CEP164: variants seen among roughly 807,000 people sequenced by gnomAD.
CEP164 encodes the protein centrosomal protein 164.
CEP164 carries 162 observed loss-of-function variants against 182.7 expected under a neutral mutation model. The ratio of observed to expected loss-of-function variants is 0.89; its 90% CI spans 0.78 to 1.01. The LOEUF (loss-of-function observed/expected upper bound fraction) is 1.01, where lower values mean the gene tolerates loss of function less well. Ranked by LOEUF, CEP164 falls within the 50% of genes least tolerant of loss-of-function variation. CEP164 has a pLI of 0.00. For synonymous variants in CEP164, 661 were observed against 690.0 expected (o/e 0.96, Z 0.66); for missense variants, 1,735 against 1,790.4 (o/e 0.97, Z 0.56).
intron 5 of CEP164, among the ~76,000 whole-genome samples, chr11:117,352,553 G>T (rs1374325231): frequency 6.6e-6 from 1 of 152,168 alleles, no homozygotes; most frequent in Non-Finnish European, 1.5e-5. Flanking sequence ...TCAGTGAGTG[G>T]TGGGTAACTG....
At position 117,392,995 on chromosome 11, in the gene CEP164, C is replaced by T. The variant is rs373873905; in HGVS notation, c.2494-9C>T. ...TCTTCATGCCACATCCCTGCCATCT[C>T]CCCTGCAGCTCAGCAGTCTCCTGCG... On this transcript the variant is annotated splice_polypyrimidine_tract_variant and intron_variant, in intron 19 of 32. Coordinates refer to ENST00000278935, the MANE Select transcript of CEP164 (RefSeq NM_014956.5). 55 of 1,612,574 alleles carry T rather than the reference C, an allele frequency of 3.4e-5. No homozygotes were observed. Among genetic ancestry groups the T allele is most frequent in the Admixed American group, 6.7e-5 (4 of 59,960 alleles).
chr11:117,354,616 C>G (rs898474420), intron 5 of CEP164, among the ~76,000 whole-genome samples: 1 of 152,074 alleles, frequency 6.6e-6, no homozygotes, highest in Non-Finnish European at 1.5e-5. Flanking sequence ...CTAGTCGAAC[C>G]TCCTCTTTGT....
chr11:117,381,965 G>T (rs1322335159), intron 13 of CEP164, 97 bp downstream of exon 13: 1 of 1,177,242 alleles, frequency 8.5e-7, no homozygotes, highest in Non-Finnish European at 1.1e-6. Context: ...ATGGGGGTGG[G>T]GTTGGCTTGG....
intron 6 of CEP164, 124 bp from the exon 7 acceptor site, chr11:117,362,280 G>A: frequency 9.1e-7 from 1 of 1,102,988 alleles, no homozygotes; most frequent in Non-Finnish European, 1.3e-6. Flanking sequence ...CGCCAGGTCA[G>A]CTTCATGGAC....
intron 11 of CEP164, among the ~76,000 whole-genome samples, chr11:117,379,385 T>C (rs1434177844): frequency 6.6e-6 from 1 of 152,172 alleles, no homozygotes; most frequent in Non-Finnish European, 1.5e-5. Flanking sequence ...GGGACCCTAC[T>C]GGGAAAGATG....
intron 1 of CEP164, among the ~76,000 whole-genome samples, chr11:117,329,644 C>T (rs899570187): frequency 3.9e-5 from 6 of 152,206 alleles, no homozygotes; most frequent in South Asian, 4.1e-4. Flanking sequence ...TGGGTTCAAG[C>T]GATTCTCCTG....
rs1212090254 is a variant in CEP164 at position 117,398,600 on chromosome 11, C to T, written c.3501+1287C>T. ...TTCCATACATCTTCTGAAATCTAGGCGGAGGTTCCCAGACCTTAGTTCTTG... is the reference window on the plus strand; with the variant it reads ...TTCCATACATCTTCTGAAATCTAGGTGGAGGTTCCCAGACCTTAGTTCTTG... On this transcript the variant is annotated intron_variant, in intron 27 of 32. Coordinates refer to ENST00000278935, the MANE Select transcript of CEP164 (RefSeq NM_014956.5). Among the ~76,000 whole-genome samples, 4 of 152,302 alleles carry T rather than the reference C, an allele frequency of 2.6e-5. 1 individual carries two copies. The South Asian group carries it at 8.3e-4, about 32-fold the overall frequency.
chr11:117,357,999 A>G (rs1055825714), intron 5 of CEP164, among the ~76,000 whole-genome samples: 3 of 152,212 alleles, frequency 2.0e-5, no homozygotes, highest in African/African-American at 7.2e-5. Flanking sequence ...GACCATGGGG[A>G]TCAATCTGAA....
In CEP164 at chr11:117,396,581, C is replaced by G. The variant is rs2045500317; in HGVS notation, c.3248C>G (p.Ser1083Cys). ...ACCAAAGAGGTGTCTTCTTCTCTCTCCCAGAGCAAGGAGGACTTATACTTG... is the reference window on the plus strand; with the variant it reads ...ACCAAAGAGGTGTCTTCTTCTCTCTGCCAGAGCAAGGAGGACTTATACTTG... ...NQTKEVSSSL[S>C]QSKEDLYLDS... is the part of the protein sequence containing the mutation. The change falls in exon 26 of 33, where the codon TCC becomes TGC. Residue 1083 changes from serine to cysteine, a missense_variant. Ser to Cys is a moderately radical substitution (Grantham distance 112). Coordinates refer to ENST00000278935, the MANE Select transcript of CEP164 (RefSeq NM_014956.5). 6.2e-7 allele frequency: 1 copy of G among 1,613,668 alleles called. No homozygotes were observed. Among genetic ancestry groups the G allele is most frequent in the South Asian group, 1.1e-5 (1 of 91,082 alleles).
At chr11:117,403,066 G>A (rs1428305477) in intron 27 of CEP164, among the ~76,000 whole-genome samples, 1 of 152,164 alleles carries the variant, frequency 6.6e-6, no homozygotes, top group African/African-American at 2.4e-5. Flanking sequence ...GTGTGTCTTT[G>A]CACACGAGGT....
chr11:117,327,982 T>G (rs1591909034), intron 1 of CEP164, 78 bp downstream of exon 1: 1 of 146,032 alleles, frequency 6.8e-6, no homozygotes, highest in Non-Finnish European at 1.5e-5. Context: ...CCTTCCGGGG[T>G]GGGGGATAGT....
intron 15 of CEP164, among the ~76,000 whole-genome samples, chr11:117,389,802 G>A (rs549249242): frequency 2.2e-4 from 33 of 152,262 alleles, no homozygotes; most frequent in African/African-American, 7.9e-4. Flanking sequence ...AGAGTCTGTC[G>A]GAGTGAAAGA....
At position 117,392,645 on chromosome 11, in the gene CEP164, T is replaced by G; in HGVS notation, c.2493+18T>G. The G allele has an allele frequency of 6.2e-7, 1 of 1,612,074 alleles. No individual in the cohort carries two copies. Among genetic ancestry groups the G allele is most frequent in the Non-Finnish European group, 8.5e-7 (1 of 1,178,878 alleles). On this transcript the variant is annotated intron_variant, in intron 19 of 32. Transcript: ENST00000278935. ...AGCACGAGGTGAGTGCTGCTCTGTC[T>G]TCCACAGTCGTGTGCGCCTGTTGTG...
chr11:117,335,029 G>A (rs1315569411), intron 1 of CEP164, among the ~76,000 whole-genome samples: 1 of 152,122 alleles, frequency 6.6e-6, no homozygotes, highest in East Asian at 1.9e-4. Flanking sequence ...GGCCCTCCCT[G>A]CCCGTGGATC....
At chr11:117,371,020 C>T in intron 8 of CEP164, 60 bp from the exon 9 acceptor site, 1 of 1,501,918 alleles carries the variant, frequency 6.7e-7, no homozygotes, top group Non-Finnish European at 8.9e-7. Flanking sequence ...TGTAGCATGT[C>T]TCAACTCCTT....
intron 5 of CEP164, chr11:117,359,302 G>A: frequency 1.6e-6 from 1 of 606,548 alleles, no homozygotes; most frequent in Non-Finnish European, 2.1e-6. Flanking sequence ...TGTGGATAAT[G>A]GCAGAGCCAG....
chr11:117,337,271 C>G (rs929477849), intron 2 of CEP164, among the ~76,000 whole-genome samples: 3 of 152,132 alleles, frequency 2.0e-5, no homozygotes, highest in Non-Finnish European at 4.4e-5. Context: ...AGCCACTAGA[C>G]AGTGGGCCCC....
At chr11:117,369,670 T>C (rs1300322617) in intron 8 of CEP164, among the ~76,000 whole-genome samples, 2 of 151,804 alleles carry the variant, frequency 1.3e-5, no homozygotes, top group Non-Finnish European at 3.0e-5. Context: ...AAATCCCTCA[T>C]TGGAAGTTAT....
intron 30 of CEP164, chr11:117,410,587 A>G (rs2047238801): frequency 2.4e-6 from 1 of 416,198 alleles, no homozygotes; most frequent in South Asian, 3.5e-5. Context: ...GGATTATGAA[A>G]AGCCATAAAA....
Sources: gnomAD v4.1 joint callset for allele counts (sites outside exome capture counted in the v4.1 genomes callset) on GRCh38, gnomAD v4.1.1 for gene constraint, MANE v1.5 for transcripts, NCBI Gene and HGNC (gene_info 2026-07-23, HGNC 2026-07-21) for gene names.